The following EFR3A variants were observed in gnomAD, a reference collection of about 807,000 sequenced individuals.
EFR3A encodes the protein EFR3 homolog A, also known as protein EFR3 homolog A.
Under a neutral mutation model 104.4 loss-of-function variants are expected in EFR3A, and 76 were observed. The observed-to-expected ratio is 0.73, with a 90% confidence interval of 0.60 to 0.88. The LOEUF is 0.88. Ranked by LOEUF, EFR3A falls within the 40% of genes least tolerant of loss-of-function variation. EFR3A has a pLI of 0.00. For missense variants in EFR3A, 985 were observed against 1,012.5 expected (o/e 0.97, Z 0.37); for synonymous variants, 330 against 330.0 (o/e 1.00, Z 0.00).
intron 1 of EFR3A, among the ~76,000 whole-genome samples, chr8:131,905,748 C>G (rs1264375526): frequency 6.6e-6 from 1 of 152,222 alleles, no homozygotes; most frequent in Non-Finnish European, 1.5e-5. Flanking sequence ...ATATCTGAGA[C>G]TAGCACTATG....
At chr8:131,978,666 A>G (rs1820437554) in intron 12 of EFR3A, among the ~76,000 whole-genome samples, 181 bp from the exon 13 acceptor site, 1 of 152,138 alleles carries the variant, frequency 6.6e-6, no homozygotes, top group South Asian at 2.1e-4. Context: ...TTTTCTTATG[A>G]ATGATGTTTT....
intron 1 of EFR3A, among the ~76,000 whole-genome samples, chr8:131,908,071 C>CT (rs1421569220): frequency 7.1e-6 from 1 of 141,478 alleles, no homozygotes; most frequent in Admixed American, 7.0e-5. Context: ...TTTTTTTTTT[C>CT]TTTTTTTGAG....
intron 10 of EFR3A, among the ~76,000 whole-genome samples, chr8:131,973,157 A>C (rs1023590917): frequency 2.6e-5 from 4 of 151,262 alleles, no homozygotes; most frequent in Admixed American, 2.0e-4. Context: ...AGATTTTGAG[A>C]TTGACTGAAA....
At chr8:131,929,847 G>A (rs1250729765) in intron 1 of EFR3A, among the ~76,000 whole-genome samples, 4 of 152,142 alleles carry the variant, frequency 2.6e-5, no homozygotes, top group Non-Finnish European at 5.9e-5. Flanking sequence ...TCAGTTTGAA[G>A]CAAGTCAAAA....
chr8:131,966,421 T>A (rs940466280), intron 8 of EFR3A, among the ~76,000 whole-genome samples: 3 of 152,174 alleles, frequency 2.0e-5, no homozygotes, highest in Non-Finnish European at 4.4e-5. Context: ...TCTTTTGTCG[T>A]CATTATTGTT....
intron 5 of EFR3A, among the ~76,000 whole-genome samples, chr8:131,953,087 T>TTC (rs1282991982): frequency 2.0e-5 from 3 of 152,158 alleles, no homozygotes; most frequent in Admixed American, 2.0e-4. Flanking sequence ...GTCACTTTTC[T>TTC]TCTCATTCTT....
chr8:131,974,364 T>C lies in EFR3A; in HGVS notation c.1160-1663T>C, dbSNP rs561381191. 1.1e-4 allele frequency among the ~76,000 whole-genome samples: 17 copies of C among 152,310 alleles called. No homozygotes were observed. In the South Asian group the frequency reaches 3.3e-3, roughly 30 times the overall value. On this transcript the variant is annotated intron_variant, in intron 10 of 22. Transcript: ENST00000254624. ...TGCTAACTCCAAACTTTTACTGTAG[T>C]TAGGTGCTGTGGTAAAGAGAAGTGC...
At chr8:131,930,761 A>G (rs900281900) in intron 1 of EFR3A, among the ~76,000 whole-genome samples, 1 of 152,122 alleles carries the variant, frequency 6.6e-6, no homozygotes, top group Admixed American at 6.6e-5. Flanking sequence ...ATAGGTCTTT[A>G]TCACATCAGC....
chr8:131,917,757 A>AG (rs1816813522), intron 1 of EFR3A, among the ~76,000 whole-genome samples: 1 of 152,230 alleles, frequency 6.6e-6, no homozygotes, highest in African/African-American at 2.4e-5. Flanking sequence ...ATAATGCTAC[A>AG]GAAAAACTGG....
chr8:131,917,231 G>C (rs1173874481), intron 1 of EFR3A, among the ~76,000 whole-genome samples: 1 of 152,204 alleles, frequency 6.6e-6, no homozygotes, highest in Non-Finnish European at 1.5e-5. Flanking sequence ...CATTAGAGAC[G>C]AGCTGTCACC....
intron 1 of EFR3A, among the ~76,000 whole-genome samples, chr8:131,924,588 A>G (rs1817207455): frequency 6.6e-6 from 1 of 152,068 alleles, no homozygotes; most frequent in Non-Finnish European, 1.5e-5. Context: ...TGGGTTAGTC[A>G]TTTTATTACT....
chr8:131,940,778 A>G lies in EFR3A; in HGVS notation c.87+203A>G, dbSNP rs1180555919. The stretch of plus-strand genomic sequence containing the variant: ...AGTTTTCAGATCCTTTTAGTAGATT[A>G]GGCACAAATCTAGAAAAATGGACAG... On this transcript the variant is annotated intron_variant, in intron 2 of 22. Transcript: ENST00000254624. The G allele has an allele frequency of 3.6e-6, 3 of 825,688 alleles. No individual in the cohort carries two copies. In the African/African-American group the frequency reaches 5.2e-5, roughly 14 times the overall value. 51.1% of individuals were successfully genotyped at this position (825,688 alleles called of 1,614,324 possible). A position where few individuals can be genotyped will look rare whatever the true frequency, so the allele number is the denominator to read the frequency against.
Position 132,011,427 on chromosome 8 carries a change from A to G in EFR3A, c.*532A>G, listed in dbSNP as rs1386911629. 1.0e-5 allele frequency: 10 copies of G among 985,108 alleles called. No homozygotes were observed. Among genetic ancestry groups the G allele is most frequent in the Non-Finnish European group, 1.2e-5 (10 of 829,752 alleles). 61.0% of individuals were successfully genotyped at this position (985,108 alleles called of 1,614,324 possible). A position where few individuals can be genotyped will look rare whatever the true frequency, so the allele number is the denominator to read the frequency against. ...GGCACCTTGCTATTCAGTTACTATAATAATATGTGATAGGCATTCCTCATC... is the reference window on the plus strand; with the variant it reads ...GGCACCTTGCTATTCAGTTACTATAGTAATATGTGATAGGCATTCCTCATC... On this transcript the variant is annotated 3_prime_UTR_variant, in exon 23 of 23. Transcript: ENST00000254624.
chr8:131,946,706 C>G (rs977646607), intron 4 of EFR3A, 73 bp downstream of exon 4: 4 of 1,372,996 alleles, frequency 2.9e-6, no homozygotes, highest in Non-Finnish European at 3.8e-6. Flanking sequence ...CTTAGAATGA[C>G]TTTACCTGGT....
chr8:131,970,790 AT>A (rs567784783), intron 10 of EFR3A, 147 bp downstream of exon 10: 2 of 714,446 alleles, frequency 2.8e-6, no homozygotes, highest in Non-Finnish European at 4.4e-6. Context: ...ACAAGCAAGC[AT>A]GAGAATGGAA....
chr8:131,948,558 C>T (rs1168062284), intron 4 of EFR3A, among the ~76,000 whole-genome samples: 1 of 152,114 alleles, frequency 6.6e-6, no homozygotes, highest in Non-Finnish European at 1.5e-5. Context: ...AAGGTAGCTA[C>T]TTAGGCTTCT....
chr8:131,915,149 GT>G (rs1816689577), intron 1 of EFR3A, among the ~76,000 whole-genome samples: 2 of 152,102 alleles, frequency 1.3e-5, no homozygotes, highest in South Asian at 4.1e-4. Context: ...TCTGCATTTG[GT>G]TTCAGTAGTG....
intron 1 of EFR3A, among the ~76,000 whole-genome samples, chr8:131,930,686 C>T (rs929265562): frequency 5.9e-5 from 9 of 152,034 alleles, no homozygotes; most frequent in Admixed American, 1.3e-4. Context: ...CTGGTGGCAG[C>T]ATTTGAAAAT....
chr8:131,936,086 G>C (rs563211629), intron 1 of EFR3A, among the ~76,000 whole-genome samples: 7 of 152,028 alleles, frequency 4.6e-5, no homozygotes, highest in Non-Finnish European at 8.8e-5. Flanking sequence ...TTCTATGAAT[G>C]CCTCTTTGAG....
Sources: allele counts gnomAD v4.1 joint callset (sites outside exome capture counted in the v4.1 genomes callset), GRCh38; gene constraint gnomAD v4.1.1; transcripts MANE v1.5; gene names NCBI Gene and HGNC (gene_info 2026-07-23, HGNC 2026-07-21).